Variants in PRDM5 observed in about 807,000 individuals in gnomAD.
PRDM5 encodes the protein PR domain zinc finger protein 5.
Under a neutral mutation model 81.2 loss-of-function variants are expected in PRDM5, and 56 were observed. The ratio of observed to expected loss-of-function variants is 0.69; its 90% CI spans 0.56 to 0.86. The LOEUF (loss-of-function observed/expected upper bound fraction) is 0.86. PRDM5 is among the 40% of genes least tolerant of loss of function. PRDM5 has a pLI of 0.00. For missense variants in PRDM5, 697 were observed against 770.1 expected (o/e 0.91, Z 1.12); for synonymous variants, 267 against 256.4 (o/e 1.04, Z -0.39).
In PRDM5 at chr4:120,696,921, T is replaced by C. The variant is rs570574168; in HGVS notation, c.1729-1646A>G. On this transcript the variant is annotated intron_variant, in intron 15 of 15. Transcript: ENST00000264808. ...CAGGAAATGACATTTTCTTTTGGAA[T>C]AGCTTGTAAGCATAAGGTTTGTAAC... Among the ~76,000 whole-genome samples the C allele has an allele frequency of 8.5e-5, 13 of 152,268 alleles. No individual in the cohort carries two copies. In the South Asian group the frequency reaches 1.2e-3, roughly 15 times the overall value.
chr4:120,907,380 A>C (rs954667505), intron 2 of PRDM5, 94 bp downstream of exon 2: 2 of 1,066,650 alleles, frequency 1.9e-6, no homozygotes, highest in African/African-American at 3.2e-5. Context: ...TTAAATACTT[A>C]ACTGGAATCA....
At chr4:120,886,646 T>G (rs1370209972) in intron 2 of PRDM5, among the ~76,000 whole-genome samples, 1 of 152,338 alleles carries the variant, frequency 6.6e-6, no homozygotes, top group East Asian at 1.9e-4. Flanking sequence ...TAAAAATAGC[T>G]ATACATTTAT....
intron 3 of PRDM5, among the ~76,000 whole-genome samples, chr4:120,842,864 T>C (rs1326634515): frequency 6.6e-6 from 1 of 152,180 alleles, no homozygotes; most frequent in Non-Finnish European, 1.5e-5. Context: ...TTCAGCCCTC[T>C]AGCCTTCTTT....
chr4:120,868,233 A>T (rs1316634266), intron 2 of PRDM5, among the ~76,000 whole-genome samples: 1 of 152,180 alleles, frequency 6.6e-6, no homozygotes, highest in African/African-American at 2.4e-5. Flanking sequence ...TGCATAGCTG[A>T]TTTTAAAAAA....
intron 2 of PRDM5, among the ~76,000 whole-genome samples, chr4:120,866,436 T>A (rs1579044354): frequency 6.6e-6 from 1 of 152,228 alleles, no homozygotes; most frequent in Non-Finnish European, 1.5e-5. Context: ...AGAAAAGAAA[T>A]CTGCTTTAAA....
chr4:120,704,757 A>C (rs1735869461), intron 15 of PRDM5, among the ~76,000 whole-genome samples: 1 of 152,166 alleles, frequency 6.6e-6, no homozygotes, highest in South Asian at 2.1e-4. Flanking sequence ...GCAGGCTTTA[A>C]GGGAAAATTG....
In PRDM5 at chr4:120,694,119, T is replaced by C. The variant is rs898647079; in HGVS notation, c.*992A>G. On this transcript the variant is annotated 3_prime_UTR_variant, in exon 16 of 16. Coordinates refer to ENST00000264808, the MANE Select transcript of PRDM5 (RefSeq NM_018699.4). ...ATTCTGGAAAATGTCTTTTGCAAAA[T>C]GGAATGTTAATGTTCTGAGGACTGT... 5.3e-4 allele frequency: 81 copies of C among 152,214 alleles called. No homozygotes were observed. The highest frequency in any genetic ancestry group is 1.9e-3 in the African/African-American group (79 of 41,554). The allele number at this position is 152,214 out of a possible 1,614,324, so 9.4% of individuals were successfully genotyped here.
chr4:120,884,186 A>G (rs2148594806), intron 2 of PRDM5, among the ~76,000 whole-genome samples: 1 of 152,304 alleles, frequency 6.6e-6, no homozygotes, highest in South Asian at 2.1e-4. Flanking sequence ...TATACATAGA[A>G]ATGCACACAA....
chr4:120,885,134 C>CAAAAAAAAAAAAAAAAAAAAAAAA (rs60623556), intron 2 of PRDM5, among the ~76,000 whole-genome samples: 2 of 50,706 alleles, frequency 3.9e-5, no homozygotes, highest in African/African-American at 6.8e-5. Context: ...GACTCCGTAT[C>CAAAAAAAAAAAAAAAAAAAAAAAA]AAAAAAAAAA....
chr4:120,895,705 G>A, intron 2 of PRDM5: 1 of 152,244 alleles, frequency 6.6e-6, no homozygotes, highest in Middle Eastern at 3.4e-3. Context: ...GTTTCATTTT[G>A]AGACAGGGTC....
chr4:120,799,058 A>G (rs2149285521), intron 9 of PRDM5, among the ~76,000 whole-genome samples: 1 of 152,290 alleles, frequency 6.6e-6, no homozygotes, highest in East Asian at 1.9e-4. Flanking sequence ...CAAATTACAG[A>G]TATCTTAAAC....
intron 12 of PRDM5, 84 bp from the exon 13 acceptor site, chr4:120,777,365 C>T: frequency 1.3e-6 from 2 of 1,589,348 alleles, no homozygotes; most frequent in Non-Finnish European, 1.7e-6. Flanking sequence ...ATAGTAAATC[C>T]TTATTTTGTA....
intron 14 of PRDM5, among the ~76,000 whole-genome samples, chr4:120,722,536 T>G (rs1190402607): frequency 6.6e-6 from 1 of 151,972 alleles, no homozygotes; most frequent in Non-Finnish European, 1.5e-5. Context: ...TCCTACACAT[T>G]GTTATCACCC....
intron 14 of PRDM5, among the ~76,000 whole-genome samples, chr4:120,730,798 G>A (rs1362156613): frequency 9.9e-5 from 15 of 152,050 alleles, no homozygotes; most frequent in Admixed American, 9.8e-4. Flanking sequence ...TATTTATAGA[G>A]GTTTATTTTA....
intron 10 of PRDM5, among the ~76,000 whole-genome samples, chr4:120,794,716 C>T (rs898798635): frequency 1.3e-5 from 2 of 151,954 alleles, no homozygotes. Flanking sequence ...CTCCACCTCC[C>T]GGGTTCAAGT....
intron 14 of PRDM5, among the ~76,000 whole-genome samples, chr4:120,739,436 A>G (rs1377886518): frequency 6.6e-6 from 1 of 152,200 alleles, no homozygotes; most frequent in African/African-American, 2.4e-5. Flanking sequence ...CCTCCCCACA[A>G]AAAGTTCAAG....
intron 2 of PRDM5, among the ~76,000 whole-genome samples, chr4:120,889,884 T>C (rs2148619395): frequency 6.6e-6 from 1 of 152,340 alleles, no homozygotes; most frequent in South Asian, 2.1e-4. Flanking sequence ...AGGCATGATC[T>C]AGTTCTTTTT....
At chr4:120,791,276 CA>C (rs992689951) in intron 10 of PRDM5, among the ~76,000 whole-genome samples, 6 of 151,546 alleles carry the variant, frequency 4.0e-5, no homozygotes, top group African/African-American at 7.3e-5. Flanking sequence ...GCAGTGGTTA[CA>C]AAAAAAATGA....
intron 14 of PRDM5, among the ~76,000 whole-genome samples, chr4:120,730,186 G>A (rs1260648533): frequency 6.6e-6 from 1 of 152,078 alleles, no homozygotes; most frequent in Non-Finnish European, 1.5e-5. Context: ...AGCTACTTAA[G>A]CTCTCTAAGC....
Sources: gnomAD v4.1 joint callset for allele counts (sites outside exome capture counted in the v4.1 genomes callset) on GRCh38, gnomAD v4.1.1 for gene constraint, MANE v1.5 for transcripts, NCBI Gene and HGNC (gene_info 2026-07-23, HGNC 2026-07-21) for gene names.